Variants in RBFOX1 observed in about 807,000 individuals in gnomAD.
The protein encoded by RBFOX1 is RNA binding fox-1 homolog 1.
Under a neutral mutation model 57.7 loss-of-function variants are expected in RBFOX1, and 8 were observed. The observed-to-expected ratio is 0.14, with a 90% confidence interval of 0.08 to 0.25. The LOEUF (loss-of-function observed/expected upper bound fraction) is 0.25. Among genes scored for constraint, RBFOX1 ranks in the 10% least tolerant of loss-of-function variants. The pLI, the probability that RBFOX1 is intolerant of heterozygous loss-of-function variation, is 1.00. For synonymous variants in RBFOX1, 326 were observed against 222.4 expected (o/e 1.47, Z -4.15); for missense variants, 611 against 548.5 (o/e 1.11, Z -1.14).
chr16:7,123,966 A>G (rs959721286), intron 4 of RBFOX1, among the ~76,000 whole-genome samples: 2 of 152,192 alleles, frequency 1.3e-5, no homozygotes, highest in African/African-American at 2.4e-5. Flanking sequence ...ATCAGTGACT[A>G]TTCTTCTACA....
chr16:6,096,230 A>T (rs765702146), intron 1 of RBFOX1, among the ~76,000 whole-genome samples: 1 of 152,216 alleles, frequency 6.6e-6, no homozygotes, highest in African/African-American at 2.4e-5. Context: ...GAATTATTCC[A>T]TAGTGGGAAG....
intron 4 of RBFOX1, among the ~76,000 whole-genome samples, chr16:6,006,582 G>C (rs780893636): frequency 2.0e-5 from 3 of 152,180 alleles, no homozygotes; most frequent in Non-Finnish European, 4.4e-5. Flanking sequence ...ATTGCCTAAA[G>C]CCAGTTTTCC....
At chr16:5,490,574 C>G (rs572124120) in intron 2 of RBFOX1, among the ~76,000 whole-genome samples, 297 of 152,312 alleles carry the variant, frequency 1.9e-3, no homozygotes, top group African/African-American at 7.0e-3. Flanking sequence ...CTCCATGGTG[C>G]TGGCCGAGGG....
chr16:6,571,392 A>G (rs2097342650), intron 2 of RBFOX1, among the ~76,000 whole-genome samples: 1 of 152,196 alleles, frequency 6.6e-6, no homozygotes, highest in Admixed American at 6.5e-5. Flanking sequence ...CCTGTCAGGA[A>G]TCAATATCAG....
At chr16:7,427,114 A>G (rs1330546055) in intron 4 of RBFOX1, among the ~76,000 whole-genome samples, 1 of 152,214 alleles carries the variant, frequency 6.6e-6, no homozygotes, top group South Asian at 2.1e-4. Flanking sequence ...GGGGCCTGTC[A>G]TGCAGTGGGG....
chr16:7,545,590 GA>G (rs1304763768), intron 5 of RBFOX1, among the ~76,000 whole-genome samples: 1 of 152,140 alleles, frequency 6.6e-6, no homozygotes, highest in Non-Finnish European at 1.5e-5. Flanking sequence ...CTGTTTTACT[GA>G]ACCCCAGCTC....
At chr16:5,604,052 C>G (rs1439740462), downstream of RBFOX1, among the ~76,000 whole-genome samples, 1 of 152,098 alleles carries the variant, frequency 6.6e-6, no homozygotes, top group Non-Finnish European at 1.5e-5. Flanking sequence ...GCAGACATTA[C>G]TAATCAATGG....
intron 3 of RBFOX1, among the ~76,000 whole-genome samples, chr16:7,022,445 C>G (rs1168200961): frequency 3.3e-5 from 5 of 152,180 alleles, no homozygotes; most frequent in Non-Finnish European, 7.4e-5. Flanking sequence ...CCACATTTCC[C>G]TCTGTCTCTC....
intron 3 of RBFOX1, among the ~76,000 whole-genome samples, chr16:6,784,329 C>G (rs1567231217): frequency 6.6e-6 from 1 of 151,962 alleles, no homozygotes. Context: ...TCTCTACAGA[C>G]TGTATTTTCA....
intron 3 of RBFOX1, among the ~76,000 whole-genome samples, chr16:6,734,429 G>C (rs947547598): frequency 6.6e-6 from 1 of 152,102 alleles, no homozygotes; most frequent in African/African-American, 2.4e-5. Context: ...TCCTTTACGT[G>C]GATTATCTCA....
intron 4 of RBFOX1, among the ~76,000 whole-genome samples, chr16:5,893,711 C>T (rs1206702916): frequency 6.6e-6 from 1 of 151,644 alleles, no homozygotes; most frequent in Admixed American, 6.6e-5. Context: ...GAGGCTGAGA[C>T]ATAAGAATTG....
At chr16:6,416,479 G>T (rs550914197) in intron 2 of RBFOX1, among the ~76,000 whole-genome samples, 19 of 151,884 alleles carry the variant, frequency 1.3e-4, no homozygotes, top group African/African-American at 4.3e-4. Flanking sequence ...TCCTTGTCTT[G>T]TTCTTTTTTT....
At chr16:6,655,520 C>A (rs1369435101) in intron 3 of RBFOX1, among the ~76,000 whole-genome samples, 1 of 152,006 alleles carries the variant, frequency 6.6e-6, no homozygotes, top group East Asian at 1.9e-4. Context: ...AGAGTCCCCT[C>A]ACCCATTTAT....
At chr16:6,325,403 C>T (rs1214181650) in intron 2 of RBFOX1, among the ~76,000 whole-genome samples, 2 of 152,178 alleles carry the variant, frequency 1.3e-5, no homozygotes, top group Non-Finnish European at 2.9e-5. Context: ...CAAATTTCAC[C>T]TGCATTCACC....
chr16:5,332,903 A>G (rs1317364969), intron 1 of RBFOX1, among the ~76,000 whole-genome samples: 1 of 152,182 alleles, frequency 6.6e-6, no homozygotes, highest in East Asian at 1.9e-4. Context: ...ACTACACTAG[A>G]GGCCAGGTGG....
chr16:5,654,169 C>T (rs1238631045), intron 3 of RBFOX1, among the ~76,000 whole-genome samples: 1 of 152,208 alleles, frequency 6.6e-6, no homozygotes, highest in South Asian at 2.1e-4. Flanking sequence ...TTCTGAGCCT[C>T]AGACCTCTTA....
intron 1 of RBFOX1, among the ~76,000 whole-genome samples, chr16:6,133,321 G>C (rs1172026054): frequency 6.6e-6 from 1 of 152,182 alleles, no homozygotes; most frequent in African/African-American, 2.4e-5. Flanking sequence ...GCTCTCTCTA[G>C]CATGTGGACT....
chr16:7,405,393 C>T (rs908151173), intron 4 of RBFOX1, among the ~76,000 whole-genome samples: 1 of 152,150 alleles, frequency 6.6e-6, no homozygotes, highest in Non-Finnish European at 1.5e-5. Context: ...CAGTTTTTTC[C>T]CTGTTCCACC....
At chr16:7,210,603 T>C (rs2090938333) in intron 4 of RBFOX1, among the ~76,000 whole-genome samples, 1 of 146,678 alleles carries the variant, frequency 6.8e-6, no homozygotes, top group Non-Finnish European at 1.5e-5. Flanking sequence ...GTCATACTGA[T>C]GCTAATGTTG....
Sources: gnomAD v4.1 joint callset for allele counts (sites outside exome capture counted in the v4.1 genomes callset) on GRCh38, gnomAD v4.1.1 for gene constraint, MANE v1.5 for transcripts, NCBI Gene and HGNC (gene_info 2026-07-23, HGNC 2026-07-21) for gene names.